OR8H2: variants seen among roughly 807,000 people sequenced by gnomAD.
OR8H2 encodes the protein olfactory receptor family 8 subfamily H member 2, also known as olfactory receptor 8H2.
For synonymous variants in OR8H2, 157 were observed against 139.2 expected (o/e 1.13, Z -0.90); for missense variants, 374 against 371.1 (o/e 1.01, Z -0.06).
rs1590740251 is a variant in OR8H2, at chr11:56,105,776, T to C, written c.734T>C (p.Leu245Pro). ...QKAFSTCVSHLLGVTIFYSTL... is the reference protein window; with the variant it reads ...QKAFSTCVSHPLGVTIFYSTL... Reference sequence around the variant, plus strand: ...GCTTTCTCTACTTGCGTCTCTCATCTCTTGGGAGTCACCATCTTTTATAGC... The same window carrying C: ...GCTTTCTCTACTTGCGTCTCTCATCCCTTGGGAGTCACCATCTTTTATAGC... The change falls in exon 2 of 2, where the codon CTC becomes CCC. Residue 245 changes from leucine to proline, a missense_variant. Coordinates refer to ENST00000313503, the MANE Select transcript of OR8H2 (RefSeq NM_001386064.1). 2 of 1,613,794 alleles carry C rather than the reference T, an allele frequency of 1.2e-6. No individual in the cohort carries two copies. The highest frequency in any genetic ancestry group is 2.2e-5 in the East Asian group (1 of 44,864).
rs1246948400 is a variant in OR8H2 at position 56,106,533 on chromosome 11, A to G, written c.*552A>G. 1.3e-5 allele frequency: 2 copies of G among 152,302 alleles called. No homozygotes were observed. Among genetic ancestry groups the G allele is most frequent in the Non-Finnish European group, 2.9e-5 (2 of 68,172 alleles). 9.4% of individuals were successfully genotyped at this position (152,302 alleles called of 1,614,324 possible). ...CCCTAAGTGCACAAGATAAATAATA[A>G]CTCCAAATCTGATCAGAGGGTAGTT... On this transcript the variant is annotated 3_prime_UTR_variant, in exon 2 of 2. Transcript: ENST00000313503.
intron 1 of OR8H2, among the ~76,000 whole-genome samples, chr11:56,104,379 T>C (rs1854018538): frequency 6.6e-6 from 1 of 152,158 alleles, no homozygotes; most frequent in South Asian, 2.1e-4. Flanking sequence ...AACGGTTTCC[T>C]GTCATTTTTT....
rs955231185 is a variant in OR8H2, at chr11:56,103,961, T to C, written c.-198T>C. 2 of 152,156 alleles carry C rather than the reference T, an allele frequency of 1.3e-5. No homozygotes were observed. Among genetic ancestry groups the C allele is most frequent in the African/African-American group, 2.4e-5 (1 of 41,454 alleles). The allele number at this position is 152,156 out of a possible 1,614,324, so 9.4% of individuals were successfully genotyped here. A position where few individuals can be genotyped will look rare whatever the true frequency, so the allele number is the denominator to read the frequency against. ...CAGACAGATAATATAAGAAGAAACCTTTTTAATGAATGTTGACTCACACAC... is the reference window on the plus strand; with the variant it reads ...CAGACAGATAATATAAGAAGAAACCCTTTTAATGAATGTTGACTCACACAC... On this transcript the variant is annotated 5_prime_UTR_variant, in exon 1 of 2. Coordinates refer to ENST00000313503, the MANE Select transcript of OR8H2 (RefSeq NM_001386064.1).
At position 56,105,639 on chromosome 11, in the gene OR8H2, A is replaced by G. The variant is rs1024351385; in HGVS notation, c.597A>G (p.Ile199Met). 1.2e-6 allele frequency: 2 copies of G among 1,614,076 alleles called. No individual in the cohort carries two copies. The highest frequency in any genetic ancestry group is 1.7e-6 in the Non-Finnish European group (2 of 1,179,924). Reference protein sequence around the residue: ...CTDTYNTEILIFIIVGSTLMV... With the variant: ...CTDTYNTEILMFIIVGSTLMV... ...ATACATACAACACCGAAATCCTGAT[A>G]TTCATTATTGTTGGTTCCACCCTGA... Residue 199 changes from isoleucine (I) to methionine (M), a missense_variant, in exon 2 of 2, where the codon ATA becomes ATG. By Grantham distance (10) the Ile-to-Met change is conservative. Coordinates refer to ENST00000313503, the MANE Select transcript of OR8H2 (RefSeq NM_001386064.1).
In OR8H2 at chr11:56,107,508, C is replaced by A. The variant is rs1590741033; in HGVS notation, c.*1527C>A. ...AATTTTTCTCTTCCATATCTGGAAT[C>A]ACAGTTTTGTTTTTCTCTGCTATTT... On this transcript the variant is annotated 3_prime_UTR_variant, in exon 2 of 2. Transcript: ENST00000313503. 1 of 151,894 alleles carries A rather than the reference C, an allele frequency of 6.6e-6. No individual in the cohort carries two copies. The highest frequency in any genetic ancestry group is 2.1e-4 in the South Asian group (1 of 4,832). The allele number at this position is 151,894 out of a possible 1,614,324, so 9.4% of individuals were successfully genotyped here.
rs955201476 is a variant in OR8H2, at chr11:56,103,766, C to A, written c.-393C>A. 3 of 152,100 alleles carry A rather than the reference C, an allele frequency of 2.0e-5. No individual in the cohort carries two copies. Among genetic ancestry groups the A allele is most frequent in the African/African-American group, 7.2e-5 (3 of 41,428 alleles). The allele number at this position is 152,100 out of a possible 1,614,324, so 9.4% of individuals were successfully genotyped here. On this transcript the variant is annotated 5_prime_UTR_variant, in exon 1 of 2. Transcript: ENST00000313503. Reference sequence around the variant, plus strand: ...CTTCTTGGTAATCTTTCCATTAGACCAGAACCTAAACAAAATTTCTAGATT... The same window carrying A: ...CTTCTTGGTAATCTTTCCATTAGACAAGAACCTAAACAAAATTTCTAGATT...
In OR8H2 at chr11:56,106,082, T is replaced by A. The variant is rs2134664050; in HGVS notation, c.*101T>A. 1.2e-6 allele frequency: 1 copy of A among 810,964 alleles called. No homozygotes were observed. Among genetic ancestry groups the A allele is most frequent in the East Asian group, 2.5e-5 (1 of 39,858 alleles). 50.2% of individuals were successfully genotyped at this position (810,964 alleles called of 1,614,324 possible). On this transcript the variant is annotated 3_prime_UTR_variant, in exon 2 of 2. Coordinates refer to ENST00000313503, the MANE Select transcript of OR8H2 (RefSeq NM_001386064.1). ...ATAAAAACAATTGAATCTTTTAATTTGTTTGCATTTCTGTTGTGCTACCCT... is the reference window on the plus strand; with the variant it reads ...ATAAAAACAATTGAATCTTTTAATTAGTTTGCATTTCTGTTGTGCTACCCT...
rs142929368 is a variant in OR8H2, at chr11:56,105,168, G to T, written c.126G>T (p.Gly42=). Residue 42 remains glycine, a synonymous_variant, in exon 2 of 2, where the codon GGG becomes GGT. Coordinates refer to ENST00000313503, the MANE Select transcript of OR8H2 (RefSeq NM_001386064.1). Reference sequence around the variant, plus strand: ...TGATATACCTAATTACTATGCTGGGGAATGTGGGGATGATATTGATAATCC... The same window carrying T: ...TGATATACCTAATTACTATGCTGGGTAATGTGGGGATGATATTGATAATCC... The part of the protein sequence containing the change: ...FLLIYLITML[G]NVGMILIIRL... The T allele has an allele frequency of 1.2e-6, 2 of 1,614,020 alleles. No homozygotes were observed. The highest frequency in any genetic ancestry group is 1.1e-5 in the South Asian group (1 of 91,082).
In OR8H2 at chr11:56,105,446, T is replaced by A. The variant is rs143914605; in HGVS notation, c.404T>A (p.Ile135Asn). The change falls in exon 2 of 2, where the codon ATT (isoleucine) becomes AAT (asparagine). Residue 135 changes from isoleucine (I) to asparagine (N), a missense_variant. By Grantham distance (149) the Ile-to-Asn change is moderately radical. Coordinates refer to ENST00000313503, the MANE Select transcript of OR8H2 (RefSeq NM_001386064.1). ...AICSPLHYTV[I>N]MSKRLCLALI... Reference sequence around the variant, plus strand: ...TGCAGTCCTCTACACTACACAGTTATTATGTCCAAAAGGCTCTGCCTCGCT... The same window carrying A: ...TGCAGTCCTCTACACTACACAGTTAATATGTCCAAAAGGCTCTGCCTCGCT... 1.4e-5 allele frequency: 23 copies of A among 1,614,190 alleles called. No homozygotes were observed. Among genetic ancestry groups the A allele is most frequent in the Admixed American group, 3.3e-5 (2 of 60,012 alleles).
rs1458475468 is a variant in OR8H2, at chr11:56,107,168, C to G, written c.*1187C>G. On this transcript the variant is annotated 3_prime_UTR_variant, in exon 2 of 2. Transcript: ENST00000313503. ...TTTTGGACTTGAAATATAAACTCAC[C>G]AACTTACAAATCTACATGCAGTGAT... 1.3e-5 allele frequency: 2 copies of G among 151,832 alleles called. No individual in the cohort carries two copies. Among genetic ancestry groups the G allele is most frequent in the African/African-American group, 4.8e-5 (2 of 41,408 alleles). The allele number at this position is 151,832 out of a possible 1,614,324, so 9.4% of individuals were successfully genotyped here.
chr11:56,107,606 T>C lies in OR8H2; in HGVS notation c.*1625T>C, dbSNP rs1427178090. 3.3e-5 allele frequency: 5 copies of C among 151,910 alleles called. No individual in the cohort carries two copies. Among genetic ancestry groups the C allele is most frequent in the Non-Finnish European group, 5.9e-5 (4 of 67,790 alleles). 9.4% of individuals were successfully genotyped at this position (151,910 alleles called of 1,614,324 possible). A position where few individuals can be genotyped will look rare whatever the true frequency, so the allele number is the denominator to read the frequency against. On this transcript the variant is annotated 3_prime_UTR_variant, in exon 2 of 2. Transcript: ENST00000313503. Reference sequence around the variant, plus strand: ...TCTGTTTACACTTTTGTAACAGTTATTAGTTTTCATTCAAGCAATACTTTT... The same window carrying C: ...TCTGTTTACACTTTTGTAACAGTTACTAGTTTTCATTCAAGCAATACTTTT...
Position 56,105,817 on chromosome 11 carries a change from T to C in OR8H2, c.775T>C (p.Tyr259His), listed in dbSNP as rs61731255. 119,220 of 1,613,308 alleles carry C rather than the reference T, an allele frequency of 0.074. 4,985 individuals are homozygous for C. Among genetic ancestry groups the C allele is most frequent in the Non-Finnish European group, 0.082 (97,273 of 1,179,398 alleles). ...CTTTTATAGCACTCTGATTTTTACT[T>C]ATTTAAAACCAAGAAAGTCTTATTC... ...TIFYSTLIFT[Y>H]LKPRKSYSLG... is the part of the protein sequence containing the mutation. The change falls in exon 2 of 2, where the codon TAT becomes CAT. Residue 259 changes from tyrosine to histidine, a missense_variant. Physicochemically the swap from Tyr to His is moderately conservative, Grantham distance 83. Transcript: ENST00000313503.
Position 56,105,418 on chromosome 11 carries a change from A to T in OR8H2, c.376A>T (p.Ile126Phe). 1 of 1,614,114 alleles carries T rather than the reference A, an allele frequency of 6.2e-7. No homozygotes were observed. Among genetic ancestry groups the T allele is most frequent in the East Asian group, 2.2e-5 (1 of 44,868 alleles). ...AATGGCCCATGATCGCTATGCAGCG[A>T]TCTGCAGTCCTCTACACTACACAGT... ...SSMAHDRYAA[I>F]CSPLHYTVIM... Residue 126 changes from isoleucine (I) to phenylalanine (F), a missense_variant, in exon 2 of 2, where the codon ATC becomes TTC. By Grantham distance (21) the Ile-to-Phe change is conservative (BLOSUM62 0). Transcript: ENST00000313503.
rs769943601 is a variant in OR8H2, at chr11:56,104,857, TG to T, written c.-171-14del. ...AGAAAGTTTTTTTTTGTTTGTTTTT[TG>T]TTTTTTGAGTCAGAGTCTGGCACAG... On this transcript the variant is annotated splice_polypyrimidine_tract_variant and intron_variant, in intron 1 of 1. Coordinates refer to ENST00000313503, the MANE Select transcript of OR8H2 (RefSeq NM_001386064.1). 3.4e-3 allele frequency: 1,526 copies of T among 452,600 alleles called. 8 individuals are homozygous for T. The highest frequency in any genetic ancestry group is 4.1e-3 in the Non-Finnish European group (1,048 of 257,532). 28.0% of individuals were successfully genotyped at this position (452,600 alleles called of 1,614,324 possible). A position where few individuals can be genotyped will look rare whatever the true frequency, so the allele number is the denominator to read the frequency against.
In OR8H2 at chr11:56,104,944, T is replaced by A; in HGVS notation, c.-99T>A. 9.3e-7 allele frequency: 1 copy of A among 1,072,682 alleles called. No homozygotes were observed. The highest frequency in any genetic ancestry group is 1.4e-6 in the Non-Finnish European group (1 of 728,132). 66.4% of individuals were successfully genotyped at this position (1,072,682 alleles called of 1,614,324 possible). A position where few individuals can be genotyped will look rare whatever the true frequency, so the allele number is the denominator to read the frequency against. ...TCACTGCAACCTCCGCCTCCCGCGT[T>A]CAAGCAATTCTCCTGCCTCAGCTTC... On this transcript the variant is annotated 5_prime_UTR_variant, in exon 2 of 2. Transcript: ENST00000313503.
rs1854048527 is a variant in OR8H2, at chr11:56,105,834, G to A, written c.792G>A (p.Lys264=). ...TLIFTYLKPR[K]SYSLGRDQVA... is the part of the protein sequence containing the mutation. ...TTTTTACTTATTTAAAACCAAGAAA[G>A]TCTTATTCCTTGGGAAGAGATCAAG... The change falls in exon 2 of 2, where the codon AAG becomes AAA. Residue 264 remains lysine, a synonymous_variant. Transcript: ENST00000313503. 6.2e-7 allele frequency: 1 copy of A among 1,613,246 alleles called. No individual in the cohort carries two copies. Among genetic ancestry groups the A allele is most frequent in the Admixed American group, 1.7e-5 (1 of 59,960 alleles).
chr11:56,105,553 T>C lies in OR8H2; in HGVS notation c.511T>C (p.Ser171Pro). 1.9e-6 allele frequency: 3 copies of C among 1,614,180 alleles called. No homozygotes were observed. The highest frequency in any genetic ancestry group is 2.5e-6 in the Non-Finnish European group (3 of 1,180,026). ...VSMSRLHFYD[S>P]NVIHHFFCDT... is the part of the protein sequence containing the mutation. ...CATGAGCAGATTGCATTTCTACGACTCAAACGTAATTCATCACTTTTTCTG... is the reference window on the plus strand; with the variant it reads ...CATGAGCAGATTGCATTTCTACGACCCAAACGTAATTCATCACTTTTTCTG... The change falls in exon 2 of 2, where the codon TCA (serine) becomes CCA (proline). Residue 171 changes from serine to proline, a missense_variant. By Grantham distance (74) the Ser-to-Pro change is moderately conservative (BLOSUM62 -1). Coordinates refer to ENST00000313503, the MANE Select transcript of OR8H2 (RefSeq NM_001386064.1).
In OR8H2 at chr11:56,105,438, C is replaced by T. The variant is rs1411737791; in HGVS notation, c.396C>T (p.Tyr132=). 4 of 1,614,182 alleles carry T rather than the reference C, an allele frequency of 2.5e-6. No homozygotes were observed. The highest frequency in any genetic ancestry group is 3.4e-6 in the Non-Finnish European group (4 of 1,180,036). Residue 132 remains tyrosine (Y), a synonymous_variant, in exon 2 of 2, where the codon TAC becomes TAT. Coordinates refer to ENST00000313503, the MANE Select transcript of OR8H2 (RefSeq NM_001386064.1). ...RYAAICSPLH[Y]TVIMSKRLCL... ...CAGCGATCTGCAGTCCTCTACACTA[C>T]ACAGTTATTATGTCCAAAAGGCTCT...
chr11:56,104,547 C>CT (rs1450487856), intron 1 of OR8H2, among the ~76,000 whole-genome samples: 19 of 152,060 alleles, frequency 1.2e-4, no homozygotes, highest in African/African-American at 4.6e-4. Context: ...CTTCCATACT[C>CT]TTTTTTTCCT....
Sources: allele counts gnomAD v4.1 joint callset (sites outside exome capture counted in the v4.1 genomes callset), GRCh38; gene constraint gnomAD v4.1.1; transcripts MANE v1.5; gene names NCBI Gene and HGNC (gene_info 2026-07-23, HGNC 2026-07-21).